The following ADAMTSL1 variants were observed in gnomAD, a reference collection of about 807,000 sequenced individuals.
ADAMTSL1 encodes ADAMTS like 1, also known as ADAMTS-like protein 1.
ADAMTSL1 carries 126 observed loss-of-function variants against 201.8 expected under a neutral mutation model. The observed-to-expected ratio is 0.62, with a 90% CI of 0.54 to 0.72. ADAMTSL1 has a LOEUF of 0.72. Ranked by LOEUF, ADAMTSL1 falls within the 30% of genes least tolerant of loss-of-function variation. The pLI, the probability that ADAMTSL1 is intolerant of heterozygous loss-of-function variation, is 0.00. For missense variants in ADAMTSL1, 2,679 were observed against 2,277.8 expected, an observed-to-expected ratio of 1.18 and a Z score of -3.59; for synonymous variants, 1,121 against 903.4, an observed-to-expected ratio of 1.24 and a Z score of -4.32.
chr9:18,381,549 C>T (rs1269113507), intron 2 of ADAMTSL1, among the ~76,000 whole-genome samples: 1 of 151,996 alleles, frequency 6.6e-6, no homozygotes, highest in African/African-American at 2.4e-5. Flanking sequence ...TGACATAATC[C>T]CACATTGCTG....
intron 14 of ADAMTSL1, among the ~76,000 whole-genome samples, chr9:18,712,857 G>A (rs1170375876): frequency 3.5e-4 from 52 of 148,552 alleles, no homozygotes; most frequent in African/African-American, 1.2e-3. Flanking sequence ...GAGAAAGGTC[G>A]GGTTACCCTC....
chr9:18,501,784 A>C (rs539590020), intron 1 of ADAMTSL1, among the ~76,000 whole-genome samples: 1 of 152,312 alleles, frequency 6.6e-6, no homozygotes, highest in East Asian at 1.9e-4. Flanking sequence ...AAGAAAACTT[A>C]GAGTTTGTTC....
In ADAMTSL1 at chr9:18,776,994, C is replaced by T. The variant is rs755153311; in HGVS notation, c.2765C>T (p.Thr922Met). ...EKDGQHLISS[T>M]HVTVAPFGYL... ...GACGGCCAGCACCTCATCAGCTCGA[C>T]GCACGTCACGGTGGCCCCCTTCGGC... is the stretch of plus-strand genomic sequence containing the variant. Residue 922 changes from threonine (T) to methionine (M), a missense_variant, in exon 19 of 29, where the codon ACG (threonine) becomes ATG (methionine). Physicochemically the swap from Thr to Met is moderately conservative, Grantham distance 81. Transcript: ENST00000380548. The T allele has an allele frequency of 6.2e-7, 1 of 1,601,302 alleles. No homozygotes were observed. Among genetic ancestry groups the T allele is most frequent in the African/African-American group, 1.3e-5 (1 of 74,740 alleles).
intron 1 of ADAMTSL1, among the ~76,000 whole-genome samples, chr9:18,143,657 G>A (rs560292964): frequency 1.3e-5 from 2 of 152,276 alleles, no homozygotes; most frequent in South Asian, 4.2e-4. Flanking sequence ...GATGGTTGCT[G>A]CTGGTTTTGT....
At chr9:18,402,530 C>T (rs1446021869) in intron 2 of ADAMTSL1, among the ~76,000 whole-genome samples, 1 of 152,158 alleles carries the variant, frequency 6.6e-6, no homozygotes, top group Non-Finnish European at 1.5e-5. Context: ...CCTTCCTCTC[C>T]ATAGAACCGT....
At chr9:18,511,568 G>A (rs1052040114) in intron 2 of ADAMTSL1, among the ~76,000 whole-genome samples, 4 of 152,086 alleles carry the variant, frequency 2.6e-5, no homozygotes. Context: ...TGCCAGAATG[G>A]TGTCAACATA....
At chr9:18,469,901 G>A (rs912881640), upstream of ADAMTSL1, among the ~76,000 whole-genome samples, 1 of 152,194 alleles carries the variant, frequency 6.6e-6, no homozygotes, top group African/African-American at 2.4e-5. Flanking sequence ...CTGGACTTCA[G>A]GCACTGGTTG....
In ADAMTSL1 at chr9:18,776,993, A is replaced by C. The variant is rs1401184799; in HGVS notation, c.2764A>C (p.Thr922Pro). Residue 922 changes from threonine (T) to proline (P), a missense_variant, in exon 19 of 29, where the codon ACG becomes CCG. Coordinates refer to ENST00000380548, the MANE Select transcript of ADAMTSL1 (RefSeq NM_001040272.6). ...GGACGGCCAGCACCTCATCAGCTCG[A>C]CGCACGTCACGGTGGCCCCCTTCGG... ...EKDGQHLISS[T>P]HVTVAPFGYL... 6.2e-7 allele frequency: 1 copy of C among 1,600,624 alleles called. No homozygotes were observed. The highest frequency in any genetic ancestry group is 1.7e-5 in the Admixed American group (1 of 59,070).
intron 2 of ADAMTSL1, among the ~76,000 whole-genome samples, chr9:18,194,445 T>C (rs1248804326): frequency 6.6e-6 from 1 of 152,080 alleles, no homozygotes; most frequent in East Asian, 1.9e-4. Flanking sequence ...GACCCCTGTA[T>C]CTCATGGTCC....
chr9:18,535,032 C>T (rs1819672976), intron 3 of ADAMTSL1, among the ~76,000 whole-genome samples: 3 of 152,196 alleles, frequency 2.0e-5, no homozygotes, highest in African/African-American at 7.2e-5. Flanking sequence ...CATTCATCTC[C>T]TCATTACTTG....
chr9:18,816,434 AC>A (rs1270730342), intron 20 of ADAMTSL1, among the ~76,000 whole-genome samples: 4 of 151,908 alleles, frequency 2.6e-5, no homozygotes, highest in Non-Finnish European at 5.9e-5. Flanking sequence ...ACGGGATTTC[AC>A]CATGTTGGCC....
In ADAMTSL1 at chr9:18,892,616, G is replaced by A. The variant is rs1829354624; in HGVS notation, c.4851+20G>A. The A allele has an allele frequency of 5.2e-6, 8 of 1,549,732 alleles. No homozygotes were observed. The highest frequency in any genetic ancestry group is 2.0e-5 in the Admixed American group (1 of 51,026). ...GGCCAGGTGAGGAGCCAGAGAGGTTGTTATTTGAAAGCTAAATCTAAAGGA... is the reference window on the plus strand; with the variant it reads ...GGCCAGGTGAGGAGCCAGAGAGGTTATTATTTGAAAGCTAAATCTAAAGGA... On this transcript the variant is annotated intron_variant, in intron 26 of 28. Transcript: ENST00000380548.
intron 2 of ADAMTSL1, among the ~76,000 whole-genome samples, chr9:18,247,361 A>T (rs569546300): frequency 7.9e-4 from 120 of 152,244 alleles, no homozygotes; most frequent in African/African-American, 2.8e-3. Context: ...ATAAAACATC[A>T]TTTATCTCTT....
chr9:18,264,417 A>G (rs985767554), intron 2 of ADAMTSL1, among the ~76,000 whole-genome samples: 1 of 152,142 alleles, frequency 6.6e-6, no homozygotes, highest in African/African-American at 2.4e-5. Context: ...TGTCTAAGCA[A>G]CTTGATACCA....
intron 13 of ADAMTSL1, among the ~76,000 whole-genome samples, chr9:18,696,318 T>C (rs1831546344): frequency 6.6e-6 from 1 of 152,064 alleles, no homozygotes; most frequent in Non-Finnish European, 1.5e-5. Flanking sequence ...CATGCCAGAA[T>C]CTTGAGTCAG....
At chr9:18,346,070 C>T (rs1484047328) in intron 2 of ADAMTSL1, among the ~76,000 whole-genome samples, 1 of 152,168 alleles carries the variant, frequency 6.6e-6, no homozygotes, top group East Asian at 1.9e-4. Context: ...TACCTTATCC[C>T]TGACCCTGTA....
At position 18,074,705 on chromosome 9, in the gene ADAMTSL1, C is replaced by T. The variant is rs142375672; in HGVS notation, c.88-89157C>T. On this transcript the variant is annotated intron_variant, in intron 1 of 29. Coordinates refer to the ADAMTSL1 transcript ENST00000680146. ...TCCTGGGTTCAAGTGATTCTCCTGCCTCAGCCTCCCAAGTAGCTGGGATTA... is the reference window on the plus strand; with the variant it reads ...TCCTGGGTTCAAGTGATTCTCCTGCTTCAGCCTCCCAAGTAGCTGGGATTA... Among the ~76,000 whole-genome samples the T allele has an allele frequency of 3.2e-3, 484 of 152,176 alleles. 2 individuals are homozygous for T. Among genetic ancestry groups the T allele is most frequent in the Non-Finnish European group, 5.3e-3 (359 of 67,998 alleles).
chr9:18,127,400 GGAGAAAAAATTAAT>G (rs1825777608), intron 1 of ADAMTSL1, among the ~76,000 whole-genome samples: 1 of 151,522 alleles, frequency 6.6e-6, no homozygotes, highest in Non-Finnish European at 1.5e-5. Context: ...GGAGTGGATT[GGAGAAAAAATTAAT>G]GAGAATTTTT....
chr9:18,291,184 A>G (rs1229704378), intron 2 of ADAMTSL1, among the ~76,000 whole-genome samples: 1 of 152,228 alleles, frequency 6.6e-6, no homozygotes, highest in African/African-American at 2.4e-5. Flanking sequence ...AAGAGGGCTC[A>G]GAATTAAATG....
Sources: allele counts gnomAD v4.1 joint callset (sites outside exome capture counted in the v4.1 genomes callset), GRCh38; gene constraint gnomAD v4.1.1; transcripts MANE v1.5; gene names NCBI Gene and HGNC (gene_info 2026-07-23, HGNC 2026-07-21).